The following KIF15 variants were observed in gnomAD, a reference collection of about 807,000 sequenced individuals.
The protein encoded by KIF15 is kinesin family member 15.
In KIF15, 140 loss-of-function variants were observed where a neutral mutation model predicts 190.6. The observed-to-expected ratio is 0.73, with a 90% CI of 0.64 to 0.84. The LOEUF (loss-of-function observed/expected upper bound fraction) is 0.84. Ranked by LOEUF, KIF15 falls within the 40% of genes least tolerant of loss-of-function variation. KIF15 has a pLI of 0.00. For synonymous variants in KIF15, 528 were observed against 551.3 expected, an observed-to-expected ratio of 0.96 and a Z score of 0.59; for missense variants, 1,372 against 1,584.4, an observed-to-expected ratio of 0.87 and a Z score of 2.28.
In KIF15 at chr3:44,797,555, CA is replaced by C; in HGVS notation, c.855del (p.Gly286ValfsTer3). 1.2e-6 allele frequency: 2 copies of C among 1,613,264 alleles called. No homozygotes were observed. The highest frequency in any genetic ancestry group is 1.7e-6 in the Non-Finnish European group (2 of 1,179,718). ...TCTTTTCCGTCAACACTTTAGGAAG[CA>C]GGTAACATAAATCGATCATTGAGCT... ...THAEGMRLKE[A>X]GNINRSLSCL... is the part of the protein sequence containing the mutation. On this transcript the variant is annotated frameshift_variant, in exon 9 of 35. Transcript: ENST00000326047. LOFTEE classifies it high-confidence loss of function.
intron 1 of KIF15, among the ~76,000 whole-genome samples, chr3:44,769,730 A>C (rs1705564654): frequency 6.6e-6 from 1 of 152,110 alleles, no homozygotes; most frequent in Admixed American, 6.5e-5. Flanking sequence ...GGGACCAAAA[A>C]TATGTCTCAG....
intron 4 of KIF15, 46 bp from the exon 5 acceptor site, chr3:44,780,836 AGTC>A (rs1485708089): frequency 6.5e-6 from 8 of 1,225,814 alleles, no homozygotes; most frequent in African/African-American, 1.5e-5. Flanking sequence ...TAGGAGGAGT[AGTC>A]TTTTAATTTT....
intron 10 of KIF15, 84 bp from the exon 11 acceptor site, chr3:44,800,230 C>T: frequency 1.5e-6 from 2 of 1,329,438 alleles, no homozygotes; most frequent in South Asian, 2.6e-5. Flanking sequence ...TTCATCACTA[C>T]AAATCATACC....
intron 20 of KIF15, among the ~76,000 whole-genome samples, chr3:44,817,824 A>G (rs1405019816): frequency 6.6e-6 from 1 of 152,224 alleles, no homozygotes; most frequent in African/African-American, 2.4e-5. Flanking sequence ...CTATAAAATT[A>G]TCTTGGGCAG....
chr3:44,792,989 C>A (rs2125925593), intron 7 of KIF15, among the ~76,000 whole-genome samples: 1 of 152,300 alleles, frequency 6.6e-6, no homozygotes, highest in Middle Eastern at 3.4e-3. Context: ...TACCCTCCTA[C>A]CCAAAATGTG....
chr3:44,761,915 A>G lies in KIF15; in HGVS notation c.19+31A>G, dbSNP rs763786031. The stretch of plus-strand genomic sequence containing the variant: ...TCTGGGCCCCCGGCTTCGTTACCCT[A>G]TTTTTGCCCCCAAATACAGCTGTGA... On this transcript the variant is annotated intron_variant, in intron 1 of 34. Coordinates refer to ENST00000326047, the MANE Select transcript of KIF15 (RefSeq NM_020242.3). The G allele has an allele frequency of 9.9e-6, 16 of 1,613,754 alleles. No homozygotes were observed. The East Asian group carries it at 2.2e-4, about 22-fold the overall frequency.
In KIF15 at chr3:44,800,401, T is replaced by G. The variant is rs990539558; in HGVS notation, c.1186T>G (p.Ser396Ala). The part of the protein sequence containing the change: ...RLKEQLAELA[S>A]GQTPPESFLT... ...CAAAGAACAACTGGCGGAGCTTGCT[T>G]CAGGACAGACACCACCAGAAAGCTT... The change falls in exon 11 of 35, where the codon TCA becomes GCA. Residue 396 changes from serine (S) to alanine (A), a missense_variant. Physicochemically the swap from Ser to Ala is moderately conservative, Grantham distance 99. Coordinates refer to ENST00000326047, the MANE Select transcript of KIF15 (RefSeq NM_020242.3). The G allele has an allele frequency of 1.2e-6, 2 of 1,614,018 alleles. No individual in the cohort carries two copies. The highest frequency in any genetic ancestry group is 8.5e-7 in the Non-Finnish European group (1 of 1,180,020).
chr3:44,798,106 A>C, intron 10 of KIF15, 150 bp downstream of exon 10: 1 of 695,262 alleles, frequency 1.4e-6, no homozygotes, highest in East Asian at 2.9e-5. Context: ...CTACCCTTCT[A>C]TATCACACAT....
intron 6 of KIF15, among the ~76,000 whole-genome samples, chr3:44,858,952 A>C (rs1699213711): frequency 6.6e-6 from 1 of 152,250 alleles, no homozygotes; most frequent in African/African-American, 2.4e-5. Context: ...TCAGCTGCTA[A>C]GCTGAGAAGA....
intron 20 of KIF15, among the ~76,000 whole-genome samples, chr3:44,820,775 C>T (rs1465428326): frequency 6.6e-6 from 1 of 152,214 alleles, no homozygotes; most frequent in Non-Finnish European, 1.5e-5. Context: ...CGGCAACCAT[C>T]CGATTTCTCA....
At chr3:44,791,486 CTACAAAATAG>C (rs913474410) in intron 7 of KIF15, among the ~76,000 whole-genome samples, 2 of 152,166 alleles carry the variant, frequency 1.3e-5, no homozygotes, top group African/African-American at 4.8e-5. Context: ...TTGTCAATTT[CTACAAAATAG>C]GCTGCTGGGA....
intron 6 of KIF15, 74 bp from the exon 7 acceptor site, chr3:44,786,321 C>A: frequency 1.6e-6 from 2 of 1,284,832 alleles, no homozygotes; most frequent in Non-Finnish European, 2.1e-6. Flanking sequence ...GAAGCGAGTG[C>A]AAAATTAATG....
At chr3:44,829,354 C>T (rs1697851993) in intron 24 of KIF15, among the ~76,000 whole-genome samples, 1 of 141,436 alleles carries the variant, frequency 7.1e-6, no homozygotes, top group South Asian at 2.1e-4. Context: ...GAGACTCCAT[C>T]TCAAAAAATA....
At chr3:44,773,761 T>C (rs80304782) in intron 1 of KIF15, among the ~76,000 whole-genome samples, 1,666 of 152,326 alleles carry the variant, frequency 0.011, 28 homozygotes, top group African/African-American at 0.037. Flanking sequence ...CATGTTCTTA[T>C]ATGGGCCACC....
At chr3:44,804,146 C>T (rs1265532376) in intron 14 of KIF15, among the ~76,000 whole-genome samples, 1 of 152,202 alleles carries the variant, frequency 6.6e-6, no homozygotes, top group African/African-American at 2.4e-5. Context: ...CAACGCCTGA[C>T]TTAGGTTTTC....
At chr3:44,770,407 A>G (rs1705591833) in intron 1 of KIF15, among the ~76,000 whole-genome samples, 1 of 152,212 alleles carries the variant, frequency 6.6e-6, no homozygotes, top group African/African-American at 2.4e-5. Flanking sequence ...TTTTACCCTC[A>G]AATACCTGTG....
chr3:44,841,307 G>C (rs932588967), intron 29 of KIF15, 69 bp downstream of exon 29: 3 of 1,309,412 alleles, frequency 2.3e-6, no homozygotes, highest in South Asian at 2.8e-5. Context: ...TGTTGCCCAG[G>C]CTGGGCTCAA....
At chr3:44,765,660 G>A (rs1705342950) in intron 1 of KIF15, among the ~76,000 whole-genome samples, 1 of 152,080 alleles carries the variant, frequency 6.6e-6, no homozygotes, top group African/African-American at 2.4e-5. Context: ...TAGTTTTTGA[G>A]GTTTTCTTTC....
In KIF15 at chr3:44,794,204, TC is replaced by T. The variant is rs1559539254; in HGVS notation, c.640-11del. 1 of 1,603,782 alleles carries T rather than the reference TC, an allele frequency of 6.2e-7. No individual in the cohort carries two copies. The highest frequency in any genetic ancestry group is 8.5e-7 in the Non-Finnish European group (1 of 1,173,628). ...TCCTCTCATTTCTTTTAATATGTTTTCCTTTTGCATAGGTGTTGTCTGGAGG... is the reference window on the plus strand; with the variant it reads ...TCCTCTCATTTCTTTTAATATGTTTTCTTTTGCATAGGTGTTGTCTGGAGG... On this transcript the variant is annotated splice_polypyrimidine_tract_variant and intron_variant, in intron 7 of 34. Coordinates refer to ENST00000326047, the MANE Select transcript of KIF15 (RefSeq NM_020242.3).
Sources: gnomAD v4.1 joint callset for allele counts (sites outside exome capture counted in the v4.1 genomes callset) on GRCh38, gnomAD v4.1.1 for gene constraint, MANE v1.5 for transcripts, NCBI Gene and HGNC (gene_info 2026-07-23, HGNC 2026-07-21) for gene names.